BCKDHB: variants seen among roughly 807,000 people sequenced by gnomAD.
The protein encoded by BCKDHB is branched chain keto acid dehydrogenase E1 subunit beta.
A neutral mutation model predicts 48.5 loss-of-function variants in BCKDHB; 41 were observed. That is an observed-to-expected ratio of 0.85 (90% CI 0.66 to 1.10). The LOEUF is 1.10. BCKDHB is among the 50% of genes least tolerant of loss of function. The probability of loss-of-function intolerance (pLI) is 0.00; values close to 1 mark genes in which losing one functional copy is unlikely to be tolerated. For synonymous variants in BCKDHB, 201 were observed against 174.8 expected (o/e 1.15, Z -1.18); for missense variants, 496 against 494.2 (o/e 1.00, Z -0.03).
At chr6:80,106,626 C>G, upstream of BCKDHB, 1 of 1,510,658 alleles carries the variant, frequency 6.6e-7, no homozygotes, top group Non-Finnish European at 8.9e-7. Context: ...GAAGCCTCCT[C>G]GGGTGCTCCG....
intron 3 of BCKDHB, among the ~76,000 whole-genome samples, chr6:80,139,802 C>T (rs1562080165): frequency 6.6e-6 from 1 of 152,026 alleles, no homozygotes; most frequent in Non-Finnish European, 1.5e-5. Context: ...TTTTTGGTTC[C>T]ATATGAACTT....
At chr6:80,173,375 C>A (rs1773006493) in intron 6 of BCKDHB, among the ~76,000 whole-genome samples, 1 of 152,108 alleles carries the variant, frequency 6.6e-6, no homozygotes, top group African/African-American at 2.4e-5. Flanking sequence ...TTGGCTCTTT[C>A]ATAGCTAGAA....
intron 8 of BCKDHB, among the ~76,000 whole-genome samples, chr6:80,236,970 G>A (rs583426): frequency 0.33 from 50,068 of 151,990 alleles, 8,894 homozygotes; most frequent in Non-Finnish European, 0.41. Flanking sequence ...TAGATGCAGT[G>A]GAATGGGTTT....
chr6:80,367,468 A>T, the BCKDHB span, among the ~76,000 whole-genome samples: 3 of 152,198 alleles, frequency 2.0e-5, no homozygotes, highest in African/African-American at 7.2e-5. Flanking sequence ...AACAAACTCT[A>T]CTGTTTTTTT....
At chr6:80,239,114 C>T (rs1440311442) in intron 8 of BCKDHB, among the ~76,000 whole-genome samples, 1 of 151,922 alleles carries the variant, frequency 6.6e-6, no homozygotes, top group Non-Finnish European at 1.5e-5. Flanking sequence ...GGATATATAC[C>T]CAGTAATGAG....
At chr6:80,246,368 G>C (rs1193344932) in intron 8 of BCKDHB, among the ~76,000 whole-genome samples, 1 of 152,100 alleles carries the variant, frequency 6.6e-6, no homozygotes, top group African/African-American at 2.4e-5. Flanking sequence ...TTGTCTTCAT[G>C]TTATCCTGCA....
chr6:80,323,948 A>C (rs1768887067), intron 9 of BCKDHB, among the ~76,000 whole-genome samples: 2 of 151,982 alleles, frequency 1.3e-5, no homozygotes, highest in South Asian at 4.1e-4. Flanking sequence ...AATTTTTTGT[A>C]TTTTTAGTAG....
At chr6:80,134,219 A>G (rs1300353195) in intron 3 of BCKDHB, among the ~76,000 whole-genome samples, 1 of 152,206 alleles carries the variant, frequency 6.6e-6, no homozygotes, top group Non-Finnish European at 1.5e-5. Context: ...GACCTCCTGA[A>G]TTAGTCTACA....
chr6:80,203,033 A>T (rs1385527208), intron 7 of BCKDHB, 69 bp from the exon 8 acceptor site: 5 of 986,302 alleles, frequency 5.1e-6, no homozygotes, highest in East Asian at 2.4e-5. Context: ...TAGTGACATC[A>T]GCATTCAACT....
At chr6:80,242,620 A>T (rs1340645724) in intron 8 of BCKDHB, among the ~76,000 whole-genome samples, 1 of 152,288 alleles carries the variant, frequency 6.6e-6, no homozygotes, top group East Asian at 1.9e-4. Context: ...TTTAATTTAT[A>T]GATAATTTGA....
chr6:80,139,733 A>C (rs890863909), intron 3 of BCKDHB, among the ~76,000 whole-genome samples: 6 of 152,024 alleles, frequency 3.9e-5, no homozygotes. Flanking sequence ...GAAGTCAGGT[A>C]GTGTGATGCC....
Position 80,115,641 on chromosome 6 carries a change from C to CTTT in BCKDHB, c.196+8763_196+8765dup, listed in dbSNP as rs760255958. Among the ~76,000 whole-genome samples, 804 of 142,956 alleles carry CTTT rather than the reference C, an allele frequency of 5.6e-3. 8 individuals carry two copies. The highest frequency in any genetic ancestry group is 0.02 in the African/African-American group (771 of 39,136). 93.8% of individuals were successfully genotyped at this position (142,956 alleles called of 152,430 possible). A position where few individuals can be genotyped will look rare whatever the true frequency, so the allele number is the denominator to read the frequency against. ...CGCACTGCGATAAATGCTGGGGTTT[C>CTTT]TTTTTTTTTTTTTGAGACAGAGTCT... On this transcript the variant is annotated intron_variant, in intron 1 of 9. Coordinates refer to ENST00000320393, the MANE Select transcript of BCKDHB (RefSeq NM_183050.4).
chr6:80,422,350 G>A, the BCKDHB span, among the ~76,000 whole-genome samples: 1 of 152,228 alleles, frequency 6.6e-6, no homozygotes, highest in African/African-American at 2.4e-5. Flanking sequence ...TGTCCAGGCA[G>A]AAGTCTGTTG....
intron 8 of BCKDHB, among the ~76,000 whole-genome samples, chr6:80,233,856 C>T (rs1006138526): frequency 2.4e-4 from 37 of 152,210 alleles, no homozygotes; most frequent in African/African-American, 8.7e-4. Flanking sequence ...TAAAAATAGT[C>T]GTATAGAGCA....
intron 6 of BCKDHB, among the ~76,000 whole-genome samples, chr6:80,196,898 A>T (rs536965855): frequency 4.6e-5 from 7 of 152,202 alleles, no homozygotes; most frequent in African/African-American, 1.7e-4. Context: ...TGATATTTGC[A>T]TTTTTACAAT....
the BCKDHB span, among the ~76,000 whole-genome samples, chr6:80,420,145 T>A: frequency 6.6e-6 from 1 of 152,206 alleles, no homozygotes; most frequent in African/African-American, 2.4e-5. Flanking sequence ...CAATTTTTGA[T>A]CTCCAATTTT....
chr6:80,216,162 A>G (rs771114531), intron 8 of BCKDHB, among the ~76,000 whole-genome samples: 1 of 152,166 alleles, frequency 6.6e-6, no homozygotes, highest in South Asian at 2.1e-4. Context: ...CATCAGTGTC[A>G]TTATTTTATA....
At chr6:80,299,437 G>T (rs1387326161) in intron 9 of BCKDHB, among the ~76,000 whole-genome samples, 1 of 152,082 alleles carries the variant, frequency 6.6e-6, no homozygotes. Flanking sequence ...TTCCATCTGG[G>T]TCACCAGAAA....
chr6:80,116,147 T>G (rs1351330851), intron 1 of BCKDHB, among the ~76,000 whole-genome samples: 1 of 152,214 alleles, frequency 6.6e-6, no homozygotes, highest in Admixed American at 6.5e-5. Context: ...TTTGCCCTTT[T>G]CCTCAGATGC....
Sources: gnomAD v4.1 joint callset for allele counts (sites outside exome capture counted in the v4.1 genomes callset) on GRCh38, gnomAD v4.1.1 for gene constraint, MANE v1.5 for transcripts, NCBI Gene and HGNC (gene_info 2026-07-23, HGNC 2026-07-21) for gene names.